The following TTC7A variants were observed in gnomAD, a reference collection of about 807,000 sequenced individuals.
TTC7A encodes tetratricopeptide repeat protein 7A.
TTC7A carries 110 observed loss-of-function variants against 103.7 expected under a neutral mutation model. That is an observed-to-expected ratio of 1.06 (90% CI 0.91 to 1.24). The LOEUF (loss-of-function observed/expected upper bound fraction) is 1.24. Among genes scored for constraint, TTC7A ranks in the 50% most tolerant of loss-of-function variants. The pLI is 0.00. For synonymous variants in TTC7A, 521 were observed against 467.9 expected (o/e 1.11, Z -1.47); for missense variants, 1,340 against 1,116.3 (o/e 1.20, Z -2.86).
At chr2:46,942,866 GT>G (rs1670562804) in intron 1 of TTC7A, among the ~76,000 whole-genome samples, 1 of 152,082 alleles carries the variant, frequency 6.6e-6, no homozygotes, top group African/African-American at 2.4e-5. Flanking sequence ...TGTTTGTGGG[GT>G]TTTTTTGGTT....
intron 8 of TTC7A, among the ~76,000 whole-genome samples, chr2:46,996,513 C>T (rs1676202778): frequency 6.6e-6 from 1 of 152,194 alleles, no homozygotes. Flanking sequence ...CCTCTGGTGC[C>T]TCAGGCCTCC....
At chr2:46,984,113 AT>A (rs1473754370) in intron 5 of TTC7A, among the ~76,000 whole-genome samples, 1 of 152,222 alleles carries the variant, frequency 6.6e-6, no homozygotes, top group East Asian at 1.9e-4. Context: ...TGCTTCACAG[AT>A]GGGAAATCGA....
At chr2:47,018,404 GAAACCCT>G (rs1339501793) in intron 11 of TTC7A, among the ~76,000 whole-genome samples, 1 of 151,868 alleles carries the variant, frequency 6.6e-6, no homozygotes, top group Non-Finnish European at 1.5e-5. Flanking sequence ...GCAACATGGT[GAAACCCT>G]GTCTCTGCTA....
At chr2:47,036,857 A>G (rs1257178715) in intron 15 of TTC7A, among the ~76,000 whole-genome samples, 1 of 152,230 alleles carries the variant, frequency 6.6e-6, no homozygotes, top group Non-Finnish European at 1.5e-5. Context: ...TCTCTTTAAA[A>G]AAGTCCTGAG....
intron 3 of TTC7A, among the ~76,000 whole-genome samples, chr2:46,972,100 C>T (rs1673415178): frequency 6.6e-6 from 1 of 152,014 alleles, no homozygotes; most frequent in African/African-American, 2.4e-5. Flanking sequence ...TACTCCGTCT[C>T]TTTAAGAATC....
At chr2:46,917,349 T>C in intron 2 of TTC7A, 1 of 601,970 alleles carries the variant, frequency 1.7e-6, no homozygotes, top group South Asian at 2.0e-5. Context: ...CCCATTCTTC[T>C]TTCCTTACTC....
At chr2:46,956,526 TG>T (rs1558506121) in intron 2 of TTC7A, 1 of 325,666 alleles carries the variant, frequency 3.1e-6, no homozygotes, top group Non-Finnish European at 5.8e-6. Flanking sequence ...CTGCAGTCTT[TG>T]GGGGGATTCA....
At chr2:47,057,915 A>C (rs1481154243) in intron 18 of TTC7A, among the ~76,000 whole-genome samples, 1 of 152,094 alleles carries the variant, frequency 6.6e-6, no homozygotes, top group Admixed American at 6.5e-5. Flanking sequence ...TGGTCTCTGA[A>C]GTGGTTTAGT....
chr2:47,072,099 T>C (rs1684784752), intron 19 of TTC7A, among the ~76,000 whole-genome samples: 2 of 151,182 alleles, frequency 1.3e-5, no homozygotes, highest in Non-Finnish European at 2.9e-5. Flanking sequence ...GTCTGGCCCT[T>C]GGGTCTGGTG....
intron 3 of TTC7A, chr2:46,958,412 C>G: frequency 9.0e-7 from 1 of 1,106,914 alleles, no homozygotes; most frequent in Non-Finnish European, 1.2e-6. Flanking sequence ...GAACCCCCTT[C>G]CTCGGGCTTC....
At position 46,941,792 on chromosome 2, in the gene TTC7A, C is replaced by A. The variant is rs1308928291; in HGVS notation, c.184+67C>A. 1.3e-6 allele frequency: 2 copies of A among 1,537,172 alleles called. No individual in the cohort carries two copies. The highest frequency in any genetic ancestry group is 1.4e-5 in the African/African-American group (1 of 72,764). ...GAAACGCACCGCCTCCTCCAGGAAG[C>A]GCGCCCAGACAGTCCTCGGCCGACA... On this transcript the variant is annotated intron_variant, in intron 1 of 19. Transcript: ENST00000319190. This position sits in a 1 kb window ranked among gnomAD's most constrained non-coding sequence, Gnocchi z 4.2.
chr2:46,952,521 G>T (rs1028101873), intron 2 of TTC7A, among the ~76,000 whole-genome samples: 1 of 152,220 alleles, frequency 6.6e-6, no homozygotes, highest in South Asian at 2.1e-4. Flanking sequence ...GGAGGCTAAG[G>T]TGGGAGGATT....
In TTC7A at chr2:46,999,430, C is replaced by T. The variant is rs961942144; in HGVS notation, c.1065+4231C>T. On this transcript the variant is annotated intron_variant, in intron 8 of 19. Transcript: ENST00000319190. The stretch of plus-strand genomic sequence containing the variant: ...CCTACCAACCCTGCATCTACCTACC[C>T]ATTCATCCATTCATCTGTCTATCCA... 1.4e-5 allele frequency: 13 copies of T among 949,398 alleles called. No homozygotes were observed. In the African/African-American group the frequency reaches 1.9e-4, roughly 14 times the overall value. 58.8% of individuals were successfully genotyped at this position (949,398 alleles called of 1,614,324 possible).
chr2:47,063,246 C>T (rs1683932567), intron 19 of TTC7A, among the ~76,000 whole-genome samples: 1 of 152,170 alleles, frequency 6.6e-6, no homozygotes, highest in Non-Finnish European at 1.5e-5. Flanking sequence ...ACATAATAAT[C>T]CTCGTTCCTG....
At position 46,978,848 on chromosome 2, in the gene TTC7A, G is replaced by A. The variant is rs1434733228; in HGVS notation, c.705G>A (p.Glu235=). The A allele has an allele frequency of 1.2e-6, 2 of 1,614,092 alleles. No homozygotes were observed. The highest frequency in any genetic ancestry group is 3.3e-5 in the Admixed American group (2 of 60,012). ...AAGGCTGTCACCCGCTTGACTATGA[G>A]CTCACCTACTTCCTGGAAGCTGCCC... ...HLKGCHPLDY[E]LTYFLEAALQ... Residue 235 remains glutamate, a synonymous_variant, in exon 5 of 20, where the codon GAG becomes GAA. Transcript: ENST00000319190.
chr2:47,042,460 TC>T (rs1681854462), intron 15 of TTC7A, among the ~76,000 whole-genome samples: 1 of 152,074 alleles, frequency 6.6e-6, no homozygotes, highest in Non-Finnish European at 1.5e-5. Context: ...TATGATCACG[TC>T]ACTGCACTCT....
intron 5 of TTC7A, among the ~76,000 whole-genome samples, chr2:46,988,471 A>G (rs1675278508): frequency 6.6e-6 from 1 of 152,240 alleles, no homozygotes; most frequent in Non-Finnish European, 1.5e-5. Flanking sequence ...ATACACAGTT[A>G]GCAGTACTGG....
chr2:47,024,774 T>C (rs1318718607), intron 14 of TTC7A, among the ~76,000 whole-genome samples: 1 of 152,148 alleles, frequency 6.6e-6, no homozygotes, highest in East Asian at 1.9e-4. Context: ...TCCTTCACTG[T>C]GTGGACACCA....
intron 14 of TTC7A, among the ~76,000 whole-genome samples, chr2:47,026,220 C>T (rs1037120181): frequency 3.9e-5 from 6 of 152,202 alleles, no homozygotes; most frequent in African/African-American, 1.4e-4. Context: ...AAGAGTACAT[C>T]TGGCTGGCCG....
Sources: gnomAD v4.1 joint callset for allele counts (sites outside exome capture counted in the v4.1 genomes callset) on GRCh38, gnomAD v4.1.1 for gene constraint, Gnocchi (gnomAD v3.1) non-coding constraint, MANE v1.5 for transcripts, NCBI Gene and HGNC (gene_info 2026-07-23, HGNC 2026-07-21) for gene names.